Variants in DAPK2 observed in about 807,000 individuals in gnomAD.
The protein encoded by DAPK2 is death-associated protein kinase 2.
Under a neutral mutation model 44.1 loss-of-function variants are expected in DAPK2, and 35 were observed. That is an observed-to-expected ratio of 0.79 (90% confidence interval 0.61 to 1.05). DAPK2 has a LOEUF of 1.05. Ranked by LOEUF, DAPK2 falls within the 50% of genes least tolerant of loss-of-function variation. The pLI, the probability that DAPK2 is intolerant of heterozygous loss-of-function variation, is 0.00. For synonymous variants in DAPK2, 174 were observed against 182.6 expected, an observed-to-expected ratio of 0.95 and a Z score of 0.38; for missense variants, 453 against 483.2, an observed-to-expected ratio of 0.94 and a Z score of 0.59.
At chr15:64,016,013 T>C (rs1009756780) in intron 1 of DAPK2, among the ~76,000 whole-genome samples, 1 of 152,110 alleles carries the variant, frequency 6.6e-6, no homozygotes, top group African/African-American at 2.4e-5. Context: ...AAAGGGGGCA[T>C]AGGGAGGAAG....
In DAPK2 at chr15:63,917,606, C is replaced by G. The variant is rs1436838839; in HGVS notation, c.859-5409G>C. On this transcript the variant is annotated intron_variant, in intron 8 of 10. Transcript: ENST00000261891. This position sits in a 1 kb window ranked among gnomAD's most constrained non-coding sequence, Gnocchi z 4.4. ...TTTGGCAATTTTCCTGCTGAGGGGA[C>G]CATAACAAAAAGTTTAAAACACTCT... 6.6e-6 allele frequency: 1 copy of G among 152,122 alleles called. No homozygotes were observed. Among genetic ancestry groups the G allele is most frequent in the Non-Finnish European group, 1.5e-5 (1 of 68,022 alleles). The allele number at this position is 152,122 out of a possible 1,614,324, so 9.4% of individuals were successfully genotyped here.
intron 5 of DAPK2, chr15:63,929,946 G>T: frequency 2.2e-6 from 1 of 450,178 alleles, no homozygotes; most frequent in Non-Finnish European, 4.2e-6. Context: ...TAACAAAGGT[G>T]CTTGGCCAAC....
chr15:64,001,610 T>C (rs2079086312), intron 1 of DAPK2, among the ~76,000 whole-genome samples: 1 of 152,162 alleles, frequency 6.6e-6, no homozygotes, highest in African/African-American at 2.4e-5. Context: ...CTCCCCACTC[T>C]AGGAGCCCCG....
intron 2 of DAPK2, among the ~76,000 whole-genome samples, chr15:63,973,785 A>G (rs2078275246): frequency 6.6e-6 from 1 of 152,196 alleles, no homozygotes; most frequent in African/African-American, 2.4e-5. Flanking sequence ...ATGGACTAAG[A>G]CAGATGACAA....
chr15:64,031,893 T>A (rs956247917), intron 1 of DAPK2, among the ~76,000 whole-genome samples: 2 of 152,234 alleles, frequency 1.3e-5, no homozygotes, highest in Admixed American at 6.5e-5. Flanking sequence ...AATTTTTGTG[T>A]TTTGTTTCCC....
upstream of DAPK2, among the ~76,000 whole-genome samples, chr15:64,040,465 G>A (rs1309120177): frequency 3.3e-5 from 5 of 152,042 alleles, no homozygotes; most frequent in South Asian, 2.1e-4. Context: ...TGATTTATAC[G>A]AATTCAAATT....
chr15:64,026,847 C>A (rs866733075), intron 1 of DAPK2, among the ~76,000 whole-genome samples: 1 of 152,184 alleles, frequency 6.6e-6, no homozygotes, highest in African/African-American at 2.4e-5. Flanking sequence ...TGGCCTGGGT[C>A]GGGTAGAGTC....
chr15:63,949,351 C>T (rs1175027697), intron 3 of DAPK2, among the ~76,000 whole-genome samples: 1 of 152,232 alleles, frequency 6.6e-6, no homozygotes, highest in Non-Finnish European at 1.5e-5. Flanking sequence ...AATTCACTTT[C>T]AAGGCCATTC....
Position 63,923,359 on chromosome 15 carries a change from A to G in DAPK2, c.858+1457T>C. 6.5e-7 allele frequency: 1 copy of G among 1,530,708 alleles called. No homozygotes were observed. The highest frequency in any genetic ancestry group is 8.7e-7 in the Non-Finnish European group (1 of 1,142,946). 94.8% of individuals were successfully genotyped at this position (1,530,708 alleles called of 1,614,324 possible). A position where few individuals can be genotyped will look rare whatever the true frequency, so the allele number is the denominator to read the frequency against. On this transcript the variant is annotated intron_variant, in intron 8 of 10. Transcript: ENST00000261891. The surrounding 1 kb of genome is among the most constrained non-coding windows in gnomAD (Gnocchi z 4.2). ...CTCCTTTTGACTGGTGGGTGTTCAG[A>G]CAGAAGAATCAGAGTGTTAATTTGC... is the stretch of plus-strand genomic sequence containing the variant.
At chr15:64,022,674 C>G (rs1190676642) in intron 1 of DAPK2, among the ~76,000 whole-genome samples, 1 of 152,150 alleles carries the variant, frequency 6.6e-6, no homozygotes, top group African/African-American at 2.4e-5. Flanking sequence ...AAAAAATTAG[C>G]TGGGTGTGGT....
intron 1 of DAPK2, among the ~76,000 whole-genome samples, chr15:64,002,956 G>GGGGCC (rs1567266491): frequency 8.3e-6 from 1 of 120,946 alleles, no homozygotes; most frequent in Admixed American, 8.8e-5. Flanking sequence ...GTGTGTGTGT[G>GGGGCC]TGTGTGTGTC....
chr15:63,947,659 C>T (rs534566412), intron 3 of DAPK2, among the ~76,000 whole-genome samples: 1 of 152,194 alleles, frequency 6.6e-6, no homozygotes, highest in Non-Finnish European at 1.5e-5. Context: ...AAGAGGGTTA[C>T]TAGGAGGATC....
At chr15:63,918,363 T>G (rs1340470772) in intron 8 of DAPK2, 1 of 152,364 alleles carries the variant, frequency 6.6e-6, no homozygotes, top group Non-Finnish European at 1.5e-5. Flanking sequence ...CCCCACCTTC[T>G]GACACACAGT....
intron 2 of DAPK2, among the ~76,000 whole-genome samples, chr15:63,972,115 G>GACACATCA (rs1364075978): frequency 2.0e-5 from 3 of 152,192 alleles, no homozygotes; most frequent in Non-Finnish European, 4.4e-5. Context: ...CATCTATGAG[G>GACACATCA]AAGTGAACCT....
intron 3 of DAPK2, among the ~76,000 whole-genome samples, chr15:63,965,779 A>C (rs936275549): frequency 2.6e-4 from 40 of 152,178 alleles, no homozygotes; most frequent in African/African-American, 9.7e-4. Context: ...GCCAGTGCAC[A>C]TTCAAGGCCC....
chr15:64,002,916 C>CTGTG (rs3056849), intron 1 of DAPK2, among the ~76,000 whole-genome samples: 1,401 of 86,096 alleles, frequency 0.016, 43 homozygotes, highest in South Asian at 0.039. Context: ...GACTGAGACA[C>CTGTG]TGTGTGTGTG....
At chr15:63,921,943 T>C (rs1186914572) in intron 8 of DAPK2, 1 of 152,228 alleles carries the variant, frequency 6.6e-6, no homozygotes, top group Admixed American at 6.5e-5. Flanking sequence ...CACCTACACC[T>C]GGCAGAATAC....
chr15:64,003,972 C>T (rs1440844606), intron 1 of DAPK2, among the ~76,000 whole-genome samples: 15 of 152,132 alleles, frequency 9.9e-5, no homozygotes, highest in Admixed American at 8.5e-4. Context: ...TTCATATTTC[C>T]CCCATGTGCC....
In DAPK2 at chr15:63,912,114, C is replaced by A; in HGVS notation, c.942G>T (p.Arg314=). The change falls in exon 9 of 11, where the codon CGG becomes CGT. Residue 314 remains arginine (R), a synonymous_variant. Transcript: ENST00000261891. The surrounding 1 kb of genome is among the most constrained non-coding windows in gnomAD (Gnocchi z 4.4). ...GCCCCAACCCTGGACACACCTTCCA[C>A]CGCCTGCGGACATACTGCTTCCTGA... is the stretch of plus-strand genomic sequence containing the variant. 2.5e-6 allele frequency: 4 copies of A among 1,613,696 alleles called. No homozygotes were observed. Among genetic ancestry groups the A allele is most frequent in the Non-Finnish European group, 3.4e-6 (4 of 1,179,880 alleles).
Sources: gnomAD v4.1 joint callset for allele counts (sites outside exome capture counted in the v4.1 genomes callset) on GRCh38, gnomAD v4.1.1 for gene constraint, Gnocchi (gnomAD v3.1) non-coding constraint, MANE v1.5 for transcripts, NCBI Gene and HGNC (gene_info 2026-07-23, HGNC 2026-07-21) for gene names.